The following LY75 variants were observed in gnomAD, a reference collection of about 807,000 sequenced individuals.
LY75 encodes lymphocyte antigen 75, also known as C-type lectin domain family 13 member B.
LY75 carries 185 observed loss-of-function variants against 231.7 expected under a neutral mutation model. That is an observed-to-expected ratio of 0.80 (90% CI 0.71 to 0.90). The LOEUF is 0.90. Among genes scored for constraint, LY75 ranks in the 40% least tolerant of loss-of-function variants. The pLI, the probability that LY75 is intolerant of heterozygous loss-of-function variation, is 0.00. For missense variants in LY75, 1,947 were observed against 2,050.2 expected, an observed-to-expected ratio of 0.95 and a Z score of 0.97; for synonymous variants, 668 against 689.0, an observed-to-expected ratio of 0.97 and a Z score of 0.48.
At chr2:159,810,912 T>C (rs578057949) in intron 31 of LY75, among the ~76,000 whole-genome samples, 2 of 152,330 alleles carry the variant, frequency 1.3e-5, no homozygotes, top group Non-Finnish European at 2.9e-5. Flanking sequence ...CTAAGACTGA[T>C]TTGGACTAAA....
intron 23 of LY75, among the ~76,000 whole-genome samples, chr2:159,843,557 C>A (rs1011225876): frequency 1.3e-5 from 2 of 150,910 alleles, no homozygotes; most frequent in African/African-American, 4.9e-5. Flanking sequence ...TTATATAATC[C>A]TTATATTGAC....
intron 2 of LY75, 48 bp downstream of exon 2, chr2:159,898,640 G>C: frequency 6.4e-7 from 1 of 1,569,110 alleles, no homozygotes; most frequent in Non-Finnish European, 8.7e-7. Context: ...AATGCCACAT[G>C]TGACAAGCAC....
intron 28 of LY75, among the ~76,000 whole-genome samples, chr2:159,826,300 T>G (rs183409383): frequency 1.5e-4 from 23 of 152,302 alleles, no homozygotes; most frequent in African/African-American, 5.3e-4. Context: ...CAAGCATTCC[T>G]GTACACCAAT....
At chr2:159,824,870 C>T (rs181366980) in intron 28 of LY75, among the ~76,000 whole-genome samples, 26 of 151,936 alleles carry the variant, frequency 1.7e-4, no homozygotes, top group Admixed American at 4.6e-4. Context: ...GGGTAAATAA[C>T]GAAATGAAGG....
At chr2:159,835,459 A>G in intron 26 of LY75, 21 bp downstream of exon 26, 1 of 1,568,694 alleles carries the variant, frequency 6.4e-7, no homozygotes, top group Non-Finnish European at 8.6e-7. Context: ...TTAAGAATTA[A>G]AAGATCTGAA....
At position 159,815,293 on chromosome 2, in the gene LY75, G is replaced by A. The variant is rs2556091; in HGVS notation, c.4549+112C>T. ...TGGGATTACAGGCGCGAGCCACTGCGCCCGGCCCTTGTGAATAAATCTTTA... is the reference window on the plus strand; with the variant it reads ...TGGGATTACAGGCGCGAGCCACTGCACCCGGCCCTTGTGAATAAATCTTTA... On this transcript the variant is annotated intron_variant, in intron 31 of 34. Coordinates refer to ENST00000263636, the MANE Select transcript of LY75 (RefSeq NM_002349.4). 0.02 allele frequency: 27,261 copies of A among 1,366,940 alleles called. 1,398 individuals carry two copies. In the East Asian group the frequency reaches 0.22, roughly 11 times the overall value. 84.7% of individuals were successfully genotyped at this position (1,366,940 alleles called of 1,614,324 possible).
intron 25 of LY75, among the ~76,000 whole-genome samples, chr2:159,835,972 G>T (rs1683811081): frequency 2.6e-5 from 4 of 152,134 alleles, no homozygotes; most frequent in Admixed American, 2.6e-4. Flanking sequence ...CAGAGTCTAT[G>T]TCCTAACCAT....
chr2:159,888,032 C>T (rs1685645640), intron 4 of LY75, among the ~76,000 whole-genome samples: 1 of 152,096 alleles, frequency 6.6e-6, no homozygotes, highest in Non-Finnish European at 1.5e-5. Context: ...CAAACACTAG[C>T]TCATTTGGCT....
At chr2:159,873,358 G>GGGAT (rs1400998771) in intron 12 of LY75, among the ~76,000 whole-genome samples, 3 of 152,120 alleles carry the variant, frequency 2.0e-5, no homozygotes, top group Non-Finnish European at 4.4e-5. Context: ...CTGTGTTGAT[G>GGGAT]GGATATTAGT....
In LY75 at chr2:159,882,267, T is replaced by C; in HGVS notation, c.1103A>G (p.Asn368Ser). Residue 368 changes from asparagine (N) to serine (S), a missense_variant, in exon 7 of 35, where the codon AAT becomes AGT. Coordinates refer to ENST00000263636, the MANE Select transcript of LY75 (RefSeq NM_002349.4). The part of the protein sequence containing the change: ...DTRCDAGWLP[N>S]NGFCYLLVNE... ...TACCAGCAGATAGCAAAATCCATTATTTGGCAGCCAGCCTGCATCACAGCG... is the reference window on the plus strand; with the variant it reads ...TACCAGCAGATAGCAAAATCCATTACTTGGCAGCCAGCCTGCATCACAGCG... 2 of 1,614,046 alleles carry C rather than the reference T, an allele frequency of 1.2e-6. No homozygotes were observed. The highest frequency in any genetic ancestry group is 1.7e-6 in the Non-Finnish European group (2 of 1,179,930).
chr2:159,856,822 G>A (rs1380821090), intron 16 of LY75, among the ~76,000 whole-genome samples: 3 of 151,982 alleles, frequency 2.0e-5, no homozygotes, highest in African/African-American at 7.3e-5. Flanking sequence ...ACCTCCACAT[G>A]CCCTTCATAC....
At chr2:159,892,540 G>T (rs751704917) in intron 3 of LY75, among the ~76,000 whole-genome samples, 1 of 152,190 alleles carries the variant, frequency 6.6e-6, no homozygotes, top group Non-Finnish European at 1.5e-5. Flanking sequence ...AACAGTATCT[G>T]ACACCTGGCA....
intron 25 of LY75, among the ~76,000 whole-genome samples, chr2:159,838,259 C>T (rs1233641795): frequency 6.6e-6 from 1 of 152,006 alleles, no homozygotes; most frequent in Non-Finnish European, 1.5e-5. Flanking sequence ...CTGTCATTTT[C>T]AAAGAATTAA....
intron 30 of LY75, among the ~76,000 whole-genome samples, chr2:159,816,565 G>A (rs979869371): frequency 3.3e-5 from 5 of 152,156 alleles, no homozygotes; most frequent in African/African-American, 9.7e-5. Context: ...AGGCTATAGA[G>A]GTGTTGTTGA....
chr2:159,893,793 A>C (rs1415220211), intron 3 of LY75, 121 bp downstream of exon 3: 11 of 1,363,720 alleles, frequency 8.1e-6, no homozygotes, highest in Non-Finnish European at 1.1e-5. Context: ...CCAAACATAC[A>C]CTTCTTATCC....
intron 28 of LY75, among the ~76,000 whole-genome samples, chr2:159,820,357 A>G (rs1281898634): frequency 2.6e-5 from 4 of 152,246 alleles, no homozygotes; most frequent in African/African-American, 9.6e-5. Context: ...ACTCAGCCAT[A>G]AAAAGGAATG....
chr2:159,812,105 G>A (rs754984434), intron 31 of LY75: 7 of 152,064 alleles, frequency 4.6e-5, no homozygotes, highest in Non-Finnish European at 1.0e-4. Flanking sequence ...GCATCATTAG[G>A]ATAGGGAACT....
In LY75 at chr2:159,840,798, C is replaced by T. The variant is rs759451498; in HGVS notation, c.3438G>A (p.Gln1146=). Residue 1146 remains glutamine (Q), a synonymous_variant, in exon 25 of 35, where the codon CAG becomes CAA. Coordinates refer to ENST00000263636, the MANE Select transcript of LY75 (RefSeq NM_002349.4). ...GCGCCTGCACACTGAGGAATGCCTGCTGGTAAGGGTCCGTGATGCTCACCA... is the reference window on the plus strand; with the variant it reads ...GCGCCTGCACACTGAGGAATGCCTGTTGGTAAGGGTCCGTGATGCTCACCA... ...MQLVSITDPY[Q]QAFLSVQALL... The T allele has an allele frequency of 7.4e-6, 12 of 1,613,978 alleles. No homozygotes were observed. The East Asian group carries it at 1.1e-4, about 15-fold the overall frequency.
At position 159,807,100 on chromosome 2, in the gene LY75, A is replaced by G. The variant is rs1225860944; in HGVS notation, c.4863T>C (p.Phe1621=). The change falls in exon 34 of 35, where the codon TTT becomes TTC. Residue 1621 remains phenylalanine, a synonymous_variant. Transcript: ENST00000263636. ...TCTTACTTTTATTTTCCCATTTGAC[A>G]AATGTCACTTCTGATCCATCTAACC... ...WSWLDGSEVT[F]VKWENKSKSG... 1 of 1,613,948 alleles carries G rather than the reference A, an allele frequency of 6.2e-7. No homozygotes were observed. Among genetic ancestry groups the G allele is most frequent in the Non-Finnish European group, 8.5e-7 (1 of 1,179,934 alleles).
Sources: gnomAD v4.1 joint callset for allele counts (sites outside exome capture counted in the v4.1 genomes callset) on GRCh38, gnomAD v4.1.1 for gene constraint, MANE v1.5 for transcripts, NCBI Gene and HGNC (gene_info 2026-07-23, HGNC 2026-07-21) for gene names.